The following DLGAP2 variants were observed in gnomAD, a reference collection of about 807,000 sequenced individuals.
DLGAP2 encodes DLG associated protein 2.
In DLGAP2, 26 loss-of-function variants were observed where a neutral mutation model predicts 100.3. The observed-to-expected ratio is 0.26, with a 90% CI of 0.19 to 0.36. DLGAP2 has a LOEUF of 0.36. DLGAP2 is among the 10% of genes least tolerant of loss of function. The probability of loss-of-function intolerance (pLI) is 1.00; values close to 1 mark genes in which losing one functional copy is unlikely to be tolerated. For missense variants in DLGAP2, 1,858 were observed against 1,453.2 expected, an observed-to-expected ratio of 1.28 and a Z score of -4.53; for synonymous variants, 886 against 630.1, an observed-to-expected ratio of 1.41 and a Z score of -6.08.
chr8:1,490,226 C>G (rs1186960767), intron 3 of DLGAP2, among the ~76,000 whole-genome samples: 1 of 152,162 alleles, frequency 6.6e-6, no homozygotes, highest in African/African-American at 2.4e-5. Context: ...GGCATCACAA[C>G]TTACCCTGAA....
intron 2 of DLGAP2, among the ~76,000 whole-genome samples, chr8:995,516 A>G (rs1800760125): frequency 6.6e-6 from 1 of 152,198 alleles, no homozygotes; most frequent in African/African-American, 2.4e-5. Flanking sequence ...TAGTATTTCC[A>G]TTACATATAT....
intron 2 of DLGAP2, among the ~76,000 whole-genome samples, chr8:1,188,020 C>T (rs1323143236): frequency 7.9e-6 from 1 of 126,588 alleles, no homozygotes; most frequent in Non-Finnish European, 1.5e-5. Context: ...CTCACACGCC[C>T]GGGACTTCCG....
intron 1 of DLGAP2, among the ~76,000 whole-genome samples, chr8:741,879 G>A (rs1054584699): frequency 6.6e-6 from 1 of 152,224 alleles, no homozygotes; most frequent in African/African-American, 2.4e-5. Flanking sequence ...AAAACAGCGG[G>A]AAAGGTGTAA....
Position 1,107,315 on chromosome 8 carries a change from G to A in DLGAP2, c.74-151536G>A, listed in dbSNP as rs572032857. ...TCTAGATACTCATCACCACTCCAGG[G>A]CTGGGAGGCTGGGCTGGCACAGACC... On this transcript the variant is annotated intron_variant, in intron 2 of 14. Transcript: ENST00000637795. 1.2e-3 allele frequency among the ~76,000 whole-genome samples: 187 copies of A among 152,302 alleles called. 1 individual carries two copies. Among genetic ancestry groups the A allele is most frequent in the African/African-American group, 4.3e-3 (178 of 41,572 alleles).
chr8:1,524,174 T>A (rs1472509543), intron 4 of DLGAP2, among the ~76,000 whole-genome samples: 1 of 152,020 alleles, frequency 6.6e-6, no homozygotes, highest in Non-Finnish European at 1.5e-5. Flanking sequence ...AAGGGGAACA[T>A]CTTCAGGGTG....
chr8:794,876 A>G (rs948536264), intron 1 of DLGAP2, among the ~76,000 whole-genome samples: 5 of 151,084 alleles, frequency 3.3e-5, no homozygotes, highest in Non-Finnish European at 7.4e-5. Flanking sequence ...GGTGGCGGGT[A>G]TTTCTAGCTG....
At chr8:1,135,034 T>A (rs1416746059) in intron 2 of DLGAP2, among the ~76,000 whole-genome samples, 1 of 152,208 alleles carries the variant, frequency 6.6e-6, no homozygotes, top group African/African-American at 2.4e-5. Context: ...TCCGATAAGA[T>A]GATTCTATTC....
intron 3 of DLGAP2, among the ~76,000 whole-genome samples, chr8:1,455,072 C>T (rs1258084106): frequency 6.6e-6 from 1 of 152,238 alleles, no homozygotes; most frequent in Non-Finnish European, 1.5e-5. Context: ...GTTCCAGACA[C>T]ATCATCAGCT....
At chr8:849,590 G>A (rs1199110550) in intron 1 of DLGAP2, among the ~76,000 whole-genome samples, 1 of 152,174 alleles carries the variant, frequency 6.6e-6, no homozygotes, top group African/African-American at 2.4e-5. Flanking sequence ...GGTTCCAGCG[G>A]TGCAACATCC....
chr8:1,182,716 G>T (rs889338586), intron 2 of DLGAP2, among the ~76,000 whole-genome samples: 7 of 152,214 alleles, frequency 4.6e-5, no homozygotes, highest in African/African-American at 1.7e-4. Flanking sequence ...CGTCTGCGCT[G>T]CCCTGAGACA....
At chr8:1,364,050 G>A (rs143680979) in intron 3 of DLGAP2, among the ~76,000 whole-genome samples, 2 of 152,166 alleles carry the variant, frequency 1.3e-5, no homozygotes, top group Non-Finnish European at 2.9e-5. Context: ...CCATATGGGG[G>A]TCTTCCTCAC....
intron 3 of DLGAP2, among the ~76,000 whole-genome samples, chr8:1,293,792 T>C (rs937458193): frequency 3.1e-4 from 47 of 152,282 alleles, no homozygotes; most frequent in East Asian, 1.4e-3. Flanking sequence ...TCTTCACTTA[T>C]TAAACATTTT....
Position 1,549,588 on chromosome 8 carries a change from G to A in DLGAP2, c.1135G>A (p.Ala379Thr). 1 of 1,610,752 alleles carries A rather than the reference G, an allele frequency of 6.2e-7. No homozygotes were observed. Among genetic ancestry groups the A allele is most frequent in the Non-Finnish European group, 8.5e-7 (1 of 1,179,212 alleles). ...SSWSTLTVSQ[A>T]KEAYRKSSLN... The stretch of plus-strand genomic sequence containing the variant: ...CTGGTCTACGCTGACGGTCAGCCAG[G>A]CCAAGGAGGCCTACCGCAAGAGCTC... Residue 379 changes from alanine (A) to threonine (T), a missense_variant, in exon 5 of 15, where the codon GCC becomes ACC. Ala to Thr is a moderately conservative substitution (Grantham distance 58). Transcript: ENST00000637795.
chr8:982,148 G>A lies in DLGAP2; in HGVS notation c.73+74182G>A, dbSNP rs936061657. Among the ~76,000 whole-genome samples the A allele has an allele frequency of 3.3e-5, 5 of 152,192 alleles. No individual in the cohort carries two copies. In the East Asian group the frequency reaches 9.6e-4, roughly 29 times the overall value. On this transcript the variant is annotated intron_variant, in intron 2 of 14. Transcript: ENST00000637795. ...TCTGGTGCCTTCCAGTGGAGCGAGT[G>A]TGGACAGGTTGTATAACTCCACTGT...
intron 1 of DLGAP2, among the ~76,000 whole-genome samples, chr8:880,134 G>C (rs1034404884): frequency 1.3e-5 from 2 of 152,048 alleles, no homozygotes; most frequent in Admixed American, 1.3e-4. Context: ...CTTTGCATCC[G>C]TGGTGTTTGT....
chr8:1,241,386 G>A (rs1798793522), intron 2 of DLGAP2, among the ~76,000 whole-genome samples: 2 of 151,984 alleles, frequency 1.3e-5, no homozygotes, highest in Non-Finnish European at 2.9e-5. Flanking sequence ...GCCGTGTCTA[G>A]TTCTCTGTCA....
chr8:1,478,991 A>T (rs751542324), intron 3 of DLGAP2, among the ~76,000 whole-genome samples: 1 of 152,252 alleles, frequency 6.6e-6, no homozygotes, highest in Non-Finnish European at 1.5e-5. Flanking sequence ...CTCTGGGAAC[A>T]TGTTAATTTA....
At chr8:1,212,085 T>C (rs1798117562) in intron 2 of DLGAP2, among the ~76,000 whole-genome samples, 1 of 152,028 alleles carries the variant, frequency 6.6e-6, no homozygotes, top group Admixed American at 6.6e-5. Flanking sequence ...AATGAAAACA[T>C]TTAAACCTGG....
At chr8:1,540,396 A>G (rs1801321606) in intron 4 of DLGAP2, among the ~76,000 whole-genome samples, 1 of 152,194 alleles carries the variant, frequency 6.6e-6, no homozygotes, top group Admixed American at 6.5e-5. Context: ...GGTGCTTTGT[A>G]AATTTTGTTT....
Sources: gnomAD v4.1 joint callset for allele counts (sites outside exome capture counted in the v4.1 genomes callset) on GRCh38, gnomAD v4.1.1 for gene constraint, MANE v1.5 for transcripts, NCBI Gene and HGNC (gene_info 2026-07-23, HGNC 2026-07-21) for gene names.